Variants in CCNT2 observed in about 807,000 individuals in gnomAD.
The protein encoded by CCNT2 is cyclin T2, also known as cyclin-T2.
In CCNT2, 18 loss-of-function variants were observed where a neutral mutation model predicts 70.0. That is an observed-to-expected ratio of 0.26 (90% CI 0.18 to 0.38). The LOEUF (loss-of-function observed/expected upper bound fraction) is 0.38, where lower values mean the gene tolerates loss of function less well. Ranked by LOEUF, CCNT2 falls within the 10% of genes least tolerant of loss-of-function variation. CCNT2 has a pLI of 1.00. For synonymous variants in CCNT2, 334 were observed against 313.3 expected (o/e 1.07, Z -0.70); for missense variants, 734 against 890.2 (o/e 0.82, Z 2.23).
At chr2:134,927,809 T>A (rs1195840670) in intron 2 of CCNT2, among the ~76,000 whole-genome samples, 1 of 152,210 alleles carries the variant, frequency 6.6e-6, no homozygotes, top group Non-Finnish European at 1.5e-5. Flanking sequence ...GGGGAAATGA[T>A]GGAATCTCCT....
Position 134,953,734 on chromosome 2 carries a change from C to T in CCNT2, c.1279C>T (p.Pro427Ser), listed in dbSNP as rs1316165677. ...SKHHGPISTT[P>S]GIIPQKMSLD... Reference sequence around the variant, plus strand: ...ACACCATGGGCCAATTTCCACTACTCCAGGAATAATTCCTCAGAAAATGTC... The same window carrying T: ...ACACCATGGGCCAATTTCCACTACTTCAGGAATAATTCCTCAGAAAATGTC... The change falls in exon 9 of 9, where the codon CCA (proline) becomes TCA (serine). Residue 427 changes from proline (P) to serine (S), a missense_variant. By Grantham distance (74) the Pro-to-Ser change is moderately conservative. This residue lies in a region of CCNT2 where 532 missense variants were observed against 556.9 expected (regional missense o/e 0.96). Transcript: ENST00000264157. 1 of 1,613,992 alleles carries T rather than the reference C, an allele frequency of 6.2e-7. No individual in the cohort carries two copies. The highest frequency in any genetic ancestry group is 1.1e-5 in the South Asian group (1 of 91,068).
In CCNT2 at chr2:134,955,203, G is replaced by C. The variant is rs1436615913; in HGVS notation, c.*555G>C. ...CTGCTTGTAAGTATAACAATATACA[G>C]AATAACTTTATTTTATCTTGTCAGA... On this transcript the variant is annotated 3_prime_UTR_variant, in exon 9 of 9. Coordinates refer to ENST00000264157, the MANE Select transcript of CCNT2 (RefSeq NM_058241.3). 6.5e-6 allele frequency: 1 copy of C among 153,558 alleles called. No individual in the cohort carries two copies. 9.5% of individuals were successfully genotyped at this position (153,558 alleles called of 1,614,324 possible). A position where few individuals can be genotyped will look rare whatever the true frequency, so the allele number is the denominator to read the frequency against.
At chr2:134,943,845 G>T in intron 5 of CCNT2, 1 of 984,952 alleles carries the variant, frequency 1.0e-6, no homozygotes, top group Non-Finnish European at 1.2e-6. Context: ...ATAGAATTTT[G>T]CAGTTTCATT....
chr2:134,928,600 G>A (rs1374492013), intron 2 of CCNT2, among the ~76,000 whole-genome samples: 1 of 151,992 alleles, frequency 6.6e-6, no homozygotes, highest in Non-Finnish European at 1.5e-5. Context: ...TGACAGTGAC[G>A]GTGTGGGCTA....
At chr2:134,922,059 C>T (rs1408297406) in intron 2 of CCNT2, among the ~76,000 whole-genome samples, 1 of 152,010 alleles carries the variant, frequency 6.6e-6, no homozygotes, top group East Asian at 1.9e-4. Flanking sequence ...ATCTTTCTTC[C>T]CCCCTGTTCT....
At position 134,958,243 on chromosome 2, in the gene CCNT2, A is replaced by G. The variant is rs1448173081; in HGVS notation, c.*3595A>G. On this transcript the variant is annotated 3_prime_UTR_variant, in exon 9 of 9. Coordinates refer to ENST00000264157, the MANE Select transcript of CCNT2 (RefSeq NM_058241.3). ...AACCATTCTCTCAAGGTATTACACC[A>G]TTTCCAATTTTATCCAAATGAAAAG... The G allele has an allele frequency of 6.6e-6, 1 of 152,242 alleles. No homozygotes were observed. Among genetic ancestry groups the G allele is most frequent in the African/African-American group, 2.4e-5 (1 of 41,466 alleles). 9.4% of individuals were successfully genotyped at this position (152,242 alleles called of 1,614,324 possible).
chr2:134,948,874 C>G (rs1223922239), intron 7 of CCNT2, among the ~76,000 whole-genome samples: 1 of 151,926 alleles, frequency 6.6e-6, no homozygotes, highest in Non-Finnish European at 1.5e-5. Flanking sequence ...GCCACCACAC[C>G]CAACTAGTTT....
At chr2:134,946,391 G>A (rs865871542) in intron 6 of CCNT2, 40 of 1,250,156 alleles carry the variant, frequency 3.2e-5, no homozygotes, top group Middle Eastern at 3.0e-4. Context: ...GAGTGCATAA[G>A]TCTAAAATTG....
At chr2:134,940,827 G>A (rs149943177) in intron 4 of CCNT2, among the ~76,000 whole-genome samples, 195 of 152,328 alleles carry the variant, frequency 1.3e-3, no homozygotes, top group African/African-American at 4.2e-3. Context: ...CCAAGAAGCA[G>A]ATGAAAGTTG....
At chr2:134,949,811 G>A (rs560865863) in intron 7 of CCNT2, among the ~76,000 whole-genome samples, 1 of 130,676 alleles carries the variant, frequency 7.7e-6, no homozygotes, top group African/African-American at 2.8e-5. Flanking sequence ...TCGGGGGGGG[G>A]GTGGGGGACA....
rs568538379 is a variant in CCNT2, at chr2:134,926,413, T to G, written c.240+6522T>G. On this transcript the variant is annotated intron_variant, in intron 2 of 8. Coordinates refer to ENST00000264157, the MANE Select transcript of CCNT2 (RefSeq NM_058241.3). ...CACATTTTTAGTTTCTCTTTTCCCT[T>G]CTTCCTATCTTGCTGATTGTGCTTT... is the stretch of plus-strand genomic sequence containing the variant. Among the ~76,000 whole-genome samples, 135 of 152,334 alleles carry G rather than the reference T, an allele frequency of 8.9e-4. 1 individual carries two copies. The highest frequency in any genetic ancestry group is 3.4e-3 in the Middle Eastern group (1 of 294).
chr2:134,933,874 T>G (rs1232171179), intron 2 of CCNT2, among the ~76,000 whole-genome samples: 1 of 152,172 alleles, frequency 6.6e-6, no homozygotes, highest in Non-Finnish European at 1.5e-5. Context: ...CACACAACTT[T>G]ACAAGCAGGT....
intron 2 of CCNT2, among the ~76,000 whole-genome samples, chr2:134,922,313 C>T (rs1247420611): frequency 1.3e-5 from 2 of 152,104 alleles, no homozygotes; most frequent in Admixed American, 6.5e-5. Flanking sequence ...TTAATAACAT[C>T]CATTAACTGT....
intron 5 of CCNT2, chr2:134,945,383 A>C (rs1681876797): frequency 1.0e-6 from 1 of 985,422 alleles, no homozygotes; most frequent in Non-Finnish European, 1.2e-6. Flanking sequence ...AGGCAGAATA[A>C]GGGGAGGGAA....
At chr2:134,936,551 C>T (rs1463175483) in intron 2 of CCNT2, among the ~76,000 whole-genome samples, 2 of 151,894 alleles carry the variant, frequency 1.3e-5, no homozygotes, top group East Asian at 1.9e-4. Context: ...CTCAAGAGTT[C>T]GAGACCAGCC....
At chr2:134,932,636 C>T (rs1680862066) in intron 2 of CCNT2, among the ~76,000 whole-genome samples, 1 of 152,190 alleles carries the variant, frequency 6.6e-6, no homozygotes, top group Middle Eastern at 3.2e-3. Context: ...AAATGCCACA[C>T]TGGGTTAATA....
At chr2:134,935,284 G>T (rs1417134957) in intron 2 of CCNT2, among the ~76,000 whole-genome samples, 1 of 152,088 alleles carries the variant, frequency 6.6e-6, no homozygotes, top group African/African-American at 2.4e-5. Flanking sequence ...CTAGTTCTTG[G>T]GAGCCAAACT....
chr2:134,938,702 GT>G (rs1359895303), intron 3 of CCNT2, among the ~76,000 whole-genome samples: 1 of 152,204 alleles, frequency 6.6e-6, no homozygotes, highest in African/African-American at 2.4e-5. Context: ...TGAAGCACCA[GT>G]GCCTAGGTTG....
intron 7 of CCNT2, among the ~76,000 whole-genome samples, chr2:134,951,112 G>A (rs1027216638): frequency 2.0e-5 from 3 of 151,156 alleles, no homozygotes; most frequent in Admixed American, 6.6e-5. Flanking sequence ...CAAACTGGAT[G>A]AAAAAGCTCA....
Sources: gnomAD v4.1 joint callset for allele counts (sites outside exome capture counted in the v4.1 genomes callset) on GRCh38, gnomAD v4.1.1 for gene constraint, gnomAD v4.1.1 regional missense constraint, MANE v1.5 for transcripts, NCBI Gene and HGNC (gene_info 2026-07-23, HGNC 2026-07-21) for gene names.